PLEKHG4B: variants seen among roughly 807,000 people sequenced by gnomAD.
PLEKHG4B encodes pleckstrin homology domain-containing family G member 4B.
Under a neutral mutation model 121.3 loss-of-function variants are expected in PLEKHG4B, and 111 were observed. That is an observed-to-expected ratio of 0.92 (90% CI 0.78 to 1.07). The LOEUF is 1.07. Ranked by LOEUF, PLEKHG4B falls within the 50% of genes least tolerant of loss-of-function variation. The pLI is 0.00. For missense variants in PLEKHG4B, 1,831 were observed against 1,757.8 expected, an observed-to-expected ratio of 1.04 and a Z score of -0.74; for synonymous variants, 738 against 725.0, an observed-to-expected ratio of 1.02 and a Z score of -0.29.
Position 144,915 on chromosome 5 carries a change from T to A in PLEKHG4B, c.1900T>A (p.Leu634Met), listed in dbSNP as rs1224154930. The A allele has an allele frequency of 1.9e-6, 3 of 1,612,942 alleles. No individual in the cohort carries two copies. The highest frequency in any genetic ancestry group is 2.5e-6 in the Non-Finnish European group (3 of 1,179,860). The change falls in exon 6 of 20, where the codon TTG becomes ATG. Residue 634 changes from leucine (L) to methionine (M), a missense_variant. Transcript: ENST00000637938. ...APAVSQALSG[L>M]QNNTSPIIHS... ...TGCCGTCTCCCAGGCCCTCTCAGGA[T>A]TGCAGGTACGGCAAGGTTGTCATAT...
chr5:103,381 T>C (rs1361617850), intron 1 of PLEKHG4B, among the ~76,000 whole-genome samples: 1 of 152,124 alleles, frequency 6.6e-6, no homozygotes, highest in Non-Finnish European at 1.5e-5. Context: ...GGAGGGGGTA[T>C]AGTGACCCCC....
At chr5:118,319 C>CA (rs1418666566) in intron 2 of PLEKHG4B, among the ~76,000 whole-genome samples, 1 of 152,176 alleles carries the variant, frequency 6.6e-6, no homozygotes, top group Non-Finnish European at 1.5e-5. Flanking sequence ...ACGGGGTAAG[C>CA]AGACCACACA....
At chr5:96,908 T>G (rs1004351413) in intron 1 of PLEKHG4B, among the ~76,000 whole-genome samples, 10 of 152,210 alleles carry the variant, frequency 6.6e-5, no homozygotes, top group African/African-American at 2.4e-4. Flanking sequence ...GGACTAACTT[T>G]CTGAAAAGAA....
chr5:119,611 A>G (rs1734409549), intron 2 of PLEKHG4B, among the ~76,000 whole-genome samples: 1 of 152,180 alleles, frequency 6.6e-6, no homozygotes, highest in South Asian at 2.1e-4. Context: ...AAAGCCACCC[A>G]AGAGGTATGG....
At chr5:129,902 A>G (rs1734729822) in intron 2 of PLEKHG4B, among the ~76,000 whole-genome samples, 1 of 152,204 alleles carries the variant, frequency 6.6e-6, no homozygotes, top group Non-Finnish European at 1.5e-5. Flanking sequence ...TACAACTTAG[A>G]ATGTTGCAAA....
rs1319762136 is a variant in PLEKHG4B at position 139,213 on chromosome 5, T to C, written c.244-270T>C. Among the ~76,000 whole-genome samples, 1 of 152,158 alleles carries C rather than the reference T, an allele frequency of 6.6e-6. No homozygotes were observed. The highest frequency in any genetic ancestry group is 1.5e-5 in the Non-Finnish European group (1 of 68,024). On this transcript the variant is annotated intron_variant, in intron 2 of 19. Transcript: ENST00000637938. This position sits in a 1 kb window ranked among gnomAD's most constrained non-coding sequence, Gnocchi z 5.0. ...TGGCTGTGGCCCTCGAGTGGCCTCC[T>C]CTCCCCTGTCCTGCCCACCTACCCC... is the stretch of plus-strand genomic sequence containing the variant.
chr5:145,237 C>T (rs753108756), intron 6 of PLEKHG4B, among the ~76,000 whole-genome samples: 1 of 152,196 alleles, frequency 6.6e-6, no homozygotes, highest in Non-Finnish European at 1.5e-5. Flanking sequence ...GGCACCTGTC[C>T]CAGGAGGGCA....
chr5:169,452 C>T lies in PLEKHG4B; in HGVS notation c.3589C>T (p.Pro1197Ser). The change falls in exon 14 of 20, where the codon CCC (proline) becomes TCC (serine). Residue 1197 changes from proline (P) to serine (S), a missense_variant. Pro to Ser is a moderately conservative substitution (Grantham distance 74). Transcript: ENST00000637938. ...TCCAGAAATGGAAAGAATGGACTTG[C>T]CCCAGGGCCTTCGAGGGAAGCACCA... ...YFPEMERMDL[P>S]QGLRGKHHVI... The T allele has an allele frequency of 6.2e-7, 1 of 1,614,208 alleles. No homozygotes were observed. The highest frequency in any genetic ancestry group is 8.5e-7 in the Non-Finnish European group (1 of 1,180,046).
rs562186871 is a variant in PLEKHG4B, at chr5:167,145, T to A, written c.3477-2195T>A. On this transcript the variant is annotated intron_variant, in intron 13 of 19. Coordinates refer to ENST00000637938, the MANE Select transcript of PLEKHG4B (RefSeq NM_052909.5). The stretch of plus-strand genomic sequence containing the variant: ...AAGACCCAATTAAGACTGTCCTCAT[T>A]CTGATTTTGTTTCTGGATATTTACT... Among the ~76,000 whole-genome samples the A allele has an allele frequency of 9.2e-5, 14 of 152,344 alleles. No individual in the cohort carries two copies. In the South Asian group the frequency reaches 1.2e-3, roughly 14 times the overall value.
chr5:115,901 ATAAGGCTG>A (rs1362564348), intron 2 of PLEKHG4B, among the ~76,000 whole-genome samples: 1 of 152,226 alleles, frequency 6.6e-6, no homozygotes, highest in Non-Finnish European at 1.5e-5. Flanking sequence ...CATGTCAGCA[ATAAGGCTG>A]TTTCTCTTTC....
At chr5:176,277 C>T (rs1287765886) in intron 18 of PLEKHG4B, among the ~76,000 whole-genome samples, 5 of 54,122 alleles carry the variant, frequency 9.2e-5, no homozygotes, top group Admixed American at 5.4e-4. Flanking sequence ...TTGTAACCCA[C>T]GGTCCTGCTT....
chr5:171,689 T>C (rs1054991135), intron 16 of PLEKHG4B, among the ~76,000 whole-genome samples: 14 of 152,244 alleles, frequency 9.2e-5, no homozygotes, highest in Middle Eastern at 3.4e-3. Flanking sequence ...GGTTTGACAA[T>C]GGCTGGCAGA....
intron 12 of PLEKHG4B, 76 bp from the exon 13 acceptor site, chr5:162,646 G>A (rs1736056839): frequency 2.7e-6 from 3 of 1,112,556 alleles, no homozygotes; most frequent in East Asian, 3.1e-5. Flanking sequence ...GCTGACCTGG[G>A]GAACAGCAGG....
intron 1 of PLEKHG4B, among the ~76,000 whole-genome samples, chr5:100,970 C>T (rs868185355): frequency 0.012 from 948 of 81,460 alleles, no homozygotes; most frequent in African/African-American, 0.028. Context: ...CATATAAAGC[C>T]CTGGAAAAAG....
intron 2 of PLEKHG4B, among the ~76,000 whole-genome samples, chr5:129,148 G>A (rs1734705299): frequency 6.6e-6 from 1 of 152,192 alleles, no homozygotes; most frequent in African/African-American, 2.4e-5. Context: ...GCATTCTGTA[G>A]AGAATCTCCT....
chr5:98,702 G>A (rs1733702429), intron 1 of PLEKHG4B, among the ~76,000 whole-genome samples: 2 of 146,598 alleles, frequency 1.4e-5, no homozygotes, highest in Admixed American at 1.3e-4. Context: ...TTGATCTCCT[G>A]ACCCTCATGA....
Position 163,148 on chromosome 5 carries a change from C to T in PLEKHG4B, c.3076C>T (p.Leu1026=). The T allele has an allele frequency of 6.4e-7, 1 of 1,552,644 alleles. No individual in the cohort carries two copies. Among genetic ancestry groups the T allele is most frequent in the Non-Finnish European group, 8.7e-7 (1 of 1,150,096 alleles). Residue 1026 remains leucine, a synonymous_variant, in exon 13 of 20, where the codon CTG becomes TTG. Transcript: ENST00000637938. ...TCTGTGTGGACAGGACGGGGAGACC[C>T]TGCGCCCAGGGCTGTGTGCTCTGTG... ...ALLCGQDGET[L]RPGLCALWDP...
rs892195031 is a variant in PLEKHG4B at position 163,001 on chromosome 5, C to G, written c.2929C>G (p.His977Asp). 1 of 1,565,978 alleles carries G rather than the reference C, an allele frequency of 6.4e-7. No homozygotes were observed. Among genetic ancestry groups the G allele is most frequent in the Non-Finnish European group, 8.7e-7 (1 of 1,155,440 alleles). The change falls in exon 13 of 20, where the codon CAT (histidine) becomes GAT (aspartate). Residue 977 changes from histidine to aspartate, a missense_variant. Transcript: ENST00000637938. Reference protein sequence around the residue: ...LPPLAQSPPKHERAQEAMRRH... With the variant: ...LPPLAQSPPKDERAQEAMRRH... ...GCCCCTTGCCCAGAGCCCCCCAAAG[C>G]ATGAGCGTGCCCAGGAGGCCATGAG...
At chr5:178,647 G>A (rs933538157) in intron 18 of PLEKHG4B, among the ~76,000 whole-genome samples, 3 of 152,158 alleles carry the variant, frequency 2.0e-5, no homozygotes, top group African/African-American at 7.2e-5. Context: ...AGCTAAATTA[G>A]TAGGTGCATA....
Sources: gnomAD v4.1 joint callset for allele counts (sites outside exome capture counted in the v4.1 genomes callset) on GRCh38, gnomAD v4.1.1 for gene constraint, Gnocchi (gnomAD v3.1) non-coding constraint, MANE v1.5 for transcripts, NCBI Gene and HGNC (gene_info 2026-07-23, HGNC 2026-07-21) for gene names.